STAU2: variants seen among roughly 807,000 people sequenced by gnomAD.
STAU2 encodes staufen double-stranded RNA binding protein 2.
In STAU2, 20 loss-of-function variants were observed where a neutral mutation model predicts 65.9. The ratio of observed to expected loss-of-function variants is 0.30; its 90% CI spans 0.21 to 0.44. The LOEUF is 0.44. STAU2 is among the 20% of genes least tolerant of loss of function. The pLI is 1.00. For synonymous variants in STAU2, 232 were observed against 233.9 expected (o/e 0.99, Z 0.07); for missense variants, 558 against 683.9 (o/e 0.82, Z 2.05).
chr8:73,628,247 T>C (rs147489946), intron 6 of STAU2, among the ~76,000 whole-genome samples: 15 of 151,782 alleles, frequency 9.9e-5, no homozygotes, highest in African/African-American at 3.6e-4. Flanking sequence ...CTAATTTTTT[T>C]TTTTTGTAGA....
intron 13 of STAU2, among the ~76,000 whole-genome samples, chr8:73,523,095 C>G (rs1167723642): frequency 6.8e-6 from 1 of 148,064 alleles, no homozygotes; most frequent in East Asian, 2.1e-4. Context: ...ACTCAGGAGG[C>G]TGAGGCAGGA....
At chr8:73,670,835 C>T (rs1817619915) in intron 6 of STAU2, among the ~76,000 whole-genome samples, 1 of 151,998 alleles carries the variant, frequency 6.6e-6, no homozygotes. Flanking sequence ...GAAAGAATTT[C>T]TCAGGCATAA....
chr8:73,483,973 C>T (rs921491242), intron 13 of STAU2, among the ~76,000 whole-genome samples: 1 of 152,112 alleles, frequency 6.6e-6, no homozygotes, highest in Non-Finnish European at 1.5e-5. Context: ...GCCACAGCGT[C>T]AGGAAGGGAG....
intron 13 of STAU2, among the ~76,000 whole-genome samples, chr8:73,436,951 A>G (rs1262552527): frequency 6.6e-6 from 1 of 152,182 alleles, no homozygotes; most frequent in Non-Finnish European, 1.5e-5. Flanking sequence ...CAAATCAAAT[A>G]TCAGGTAAAG....
rs753241828 is a variant in STAU2 at position 73,422,598 on chromosome 8, C to A, written c.1619+16G>T. 12 of 1,491,904 alleles carry A rather than the reference C, an allele frequency of 8.0e-6. No homozygotes were observed. The highest frequency in any genetic ancestry group is 1.1e-5 in the Non-Finnish European group (12 of 1,126,070). 92.4% of individuals were successfully genotyped at this position (1,491,904 alleles called of 1,614,324 possible). A position where few individuals can be genotyped will look rare whatever the true frequency, so the allele number is the denominator to read the frequency against. ...ACAATTAAAAGTGTAAGAATACTGA[C>A]AGGGGATTTACTCACTTTTCAAGAG... On this transcript the variant is annotated intron_variant, in intron 14 of 14. Coordinates refer to ENST00000524300, the MANE Select transcript of STAU2 (RefSeq NM_001164380.2).
intron 6 of STAU2, chr8:73,668,873 C>A (rs868152240): frequency 7.8e-6 from 4 of 513,684 alleles, no homozygotes; most frequent in Middle Eastern, 7.3e-4. Context: ...AGTGGAGAAA[C>A]ATCATCAGTA....
chr8:73,733,453 C>A (rs1212801576), intron 3 of STAU2, among the ~76,000 whole-genome samples: 1 of 152,110 alleles, frequency 6.6e-6, no homozygotes, highest in African/African-American at 2.4e-5. Context: ...GTTCCTTTTC[C>A]CGGGGGACCT....
intron 4 of STAU2, among the ~76,000 whole-genome samples, chr8:73,707,333 C>T (rs1467879671): frequency 1.3e-5 from 2 of 152,020 alleles, no homozygotes; most frequent in African/African-American, 4.8e-5. Context: ...GCAAGTGTCA[C>T]AGAAAGATGA....
At chr8:73,731,797 G>C (rs1806085888) in intron 3 of STAU2, among the ~76,000 whole-genome samples, 1 of 152,000 alleles carries the variant, frequency 6.6e-6, no homozygotes, top group African/African-American at 2.4e-5. Flanking sequence ...AAATTAGCCA[G>C]GTGCGGTGGT....
At chr8:73,478,890 G>T (rs532608315) in intron 13 of STAU2, among the ~76,000 whole-genome samples, 9 of 152,198 alleles carry the variant, frequency 5.9e-5, no homozygotes, top group African/African-American at 2.2e-4. Flanking sequence ...TGAAACTGAC[G>T]GATGGCTATA....
intron 9 of STAU2, among the ~76,000 whole-genome samples, chr8:73,608,238 T>C (rs959337829): frequency 2.6e-5 from 4 of 152,086 alleles, no homozygotes; most frequent in African/African-American, 9.7e-5. Flanking sequence ...CTGTAGTAGT[T>C]CAGGTTAATA....
At chr8:73,527,618 T>C (rs1805530856) in intron 13 of STAU2, 1 of 1,140,030 alleles carries the variant, frequency 8.8e-7, no homozygotes, top group Non-Finnish European at 1.3e-6. Context: ...TGTGCGCACA[T>C]AGCTTCCATT....
At chr8:73,514,116 C>A (rs142350439) in intron 13 of STAU2, among the ~76,000 whole-genome samples, 12 of 152,208 alleles carry the variant, frequency 7.9e-5, no homozygotes, top group Admixed American at 2.6e-4. Context: ...GGTAGTCTAC[C>A]TTTAGAACTA....
intron 12 of STAU2, among the ~76,000 whole-genome samples, chr8:73,567,636 C>CT (rs1808714713): frequency 6.6e-6 from 1 of 151,848 alleles, no homozygotes; most frequent in South Asian, 2.1e-4. Flanking sequence ...CAACCTCCAC[C>CT]TCCCAGGTTC....
At chr8:73,636,283 G>A (rs889570572) in intron 6 of STAU2, among the ~76,000 whole-genome samples, 4 of 151,668 alleles carry the variant, frequency 2.6e-5, no homozygotes, top group African/African-American at 7.3e-5. Context: ...AGGCGGAGGT[G>A]GGGGGATCAC....
intron 3 of STAU2, among the ~76,000 whole-genome samples, chr8:73,731,893 C>T (rs1050516869): frequency 1.1e-4 from 16 of 152,118 alleles, no homozygotes; most frequent in East Asian, 7.7e-4. Context: ...GAGCTGAGAT[C>T]GTACCACTGC....
chr8:73,562,976 AT>A (rs1808337706), intron 12 of STAU2, among the ~76,000 whole-genome samples: 1 of 151,970 alleles, frequency 6.6e-6, no homozygotes, highest in Non-Finnish European at 1.5e-5. Flanking sequence ...ATATATATAT[AT>A]AAAGTACTTA....
intron 3 of STAU2, among the ~76,000 whole-genome samples, chr8:73,711,297 A>G (rs975867728): frequency 1.3e-5 from 2 of 152,158 alleles, no homozygotes; most frequent in Admixed American, 6.6e-5. Context: ...GTCAGTCGTT[A>G]TAAGAAAATA....
intron 6 of STAU2, among the ~76,000 whole-genome samples, chr8:73,628,684 A>C (rs2130003046): frequency 6.6e-6 from 1 of 152,310 alleles, no homozygotes; most frequent in East Asian, 1.9e-4. Flanking sequence ...GTTTTTGAAA[A>C]GTTTGTTAGA....
Sources: allele counts gnomAD v4.1 joint callset (sites outside exome capture counted in the v4.1 genomes callset), GRCh38; gene constraint gnomAD v4.1.1; transcripts MANE v1.5; gene names NCBI Gene and HGNC (gene_info 2026-07-23, HGNC 2026-07-21).